SH2B3: variants seen among roughly 807,000 people sequenced by gnomAD.
The protein encoded by SH2B3 is SH2B adapter protein 3.
A neutral mutation model predicts 51.9 loss-of-function variants in SH2B3; 43 were observed. The ratio of observed to expected loss-of-function variants is 0.83; its 90% CI spans 0.65 to 1.07. The LOEUF is 1.07. Ranked by LOEUF, SH2B3 falls within the 50% of genes least tolerant of loss-of-function variation. The pLI is 0.00. For synonymous variants in SH2B3, 396 were observed against 376.0 expected (o/e 1.05, Z -0.62); for missense variants, 952 against 834.3 (o/e 1.14, Z -1.74).
At chr12:111,446,707 A>G (rs776727590) in intron 2 of SH2B3, 46 bp from the exon 3 acceptor site, 2 of 1,094,712 alleles carry the variant, frequency 1.8e-6, no homozygotes, top group Non-Finnish European at 2.6e-6. Context: ...GGCTGGAAGA[A>G]AGAGCATCAG....
At position 111,448,476 on chromosome 12, in the gene SH2B3, T is replaced by TG; in HGVS notation, c.*175dup. ...TATTAGGCCTGTTGAAGGGCCCTCC[T>TG]GTAGGTTTCATCTATCCACCTGGCT... On this transcript the variant is annotated 3_prime_UTR_variant, in exon 8 of 8. Transcript: ENST00000341259. 1 of 603,348 alleles carries TG rather than the reference T, an allele frequency of 1.7e-6. No individual in the cohort carries two copies. Among genetic ancestry groups the TG allele is most frequent in the South Asian group, 2.0e-5 (1 of 49,378 alleles). 37.4% of individuals were successfully genotyped at this position (603,348 alleles called of 1,614,324 possible).
chr12:111,436,788 C>G (rs1037673964), intron 2 of SH2B3, among the ~76,000 whole-genome samples: 4 of 152,062 alleles, frequency 2.6e-5, no homozygotes, highest in Non-Finnish European at 5.9e-5. Flanking sequence ...CCCTGTGATT[C>G]TCTGACATGC....
At chr12:111,445,491 G>A (rs973433133) in intron 2 of SH2B3, among the ~76,000 whole-genome samples, 3 of 152,248 alleles carry the variant, frequency 2.0e-5, no homozygotes, top group African/African-American at 7.2e-5. Flanking sequence ...GGGAGTAGGA[G>A]GTGAAAATGC....
chr12:111,426,849 G>T (rs1872042861), intron 2 of SH2B3, among the ~76,000 whole-genome samples: 1 of 152,104 alleles, frequency 6.6e-6, no homozygotes, highest in South Asian at 2.1e-4. Flanking sequence ...GGATCATGAA[G>T]TGAAGGGGAT....
intron 2 of SH2B3, among the ~76,000 whole-genome samples, chr12:111,424,705 C>T (rs754311624): frequency 2.0e-4 from 31 of 152,234 alleles, no homozygotes; most frequent in South Asian, 4.1e-4. Context: ...ACAGTCCGGG[C>T]GGCTCAGGAG....
At chr12:111,433,509 A>G (rs1872642632) in intron 2 of SH2B3, among the ~76,000 whole-genome samples, 1 of 152,086 alleles carries the variant, frequency 6.6e-6, no homozygotes, top group Non-Finnish European at 1.5e-5. Flanking sequence ...GATTGTAGCC[A>G]TCCCAGCCAT....
At chr12:111,447,074 C>CT in intron 4 of SH2B3, 41 bp downstream of exon 4, 1 of 1,606,706 alleles carries the variant, frequency 6.2e-7, no homozygotes, top group South Asian at 1.1e-5. Context: ...ACCTTTGCTG[C>CT]TACCACCCCT....
rs1161746302 is a variant in SH2B3 at position 111,449,331 on chromosome 12, A to C, written c.*1029A>C. 6.6e-6 allele frequency: 1 copy of C among 152,252 alleles called. No homozygotes were observed. Among genetic ancestry groups the C allele is most frequent in the Non-Finnish European group, 1.5e-5 (1 of 68,052 alleles). The allele number at this position is 152,252 out of a possible 1,614,324, so 9.4% of individuals were successfully genotyped here. A position where few individuals can be genotyped will look rare whatever the true frequency, so the allele number is the denominator to read the frequency against. ...AAGGCTGGCTTGGTGCCCTCCAAGC[A>C]TCTAATGGCTTATTAAATTATCCCA... On this transcript the variant is annotated 3_prime_UTR_variant, in exon 8 of 8. Coordinates refer to ENST00000341259, the MANE Select transcript of SH2B3 (RefSeq NM_005475.3).
Position 111,448,200 on chromosome 12 carries a change from G to A in SH2B3, c.1626G>A (p.Leu542=). The change falls in exon 8 of 8, where the codon CTG becomes CTA. Residue 542 remains leucine (L), a synonymous_variant. Coordinates refer to ENST00000341259, the MANE Select transcript of SH2B3 (RefSeq NM_005475.3). ...AACTGGCCAACAGCCTGCAGCACCT[G>A]GAGCATGAGCCTGTGAATCGAGCCC... The part of the protein sequence containing the change: ...PEELANSLQH[L]EHEPVNRARD... 6.2e-7 allele frequency: 1 copy of A among 1,614,124 alleles called. No homozygotes were observed. The highest frequency in any genetic ancestry group is 8.5e-7 in the Non-Finnish European group (1 of 1,180,010).
chr12:111,429,532 C>A lies in SH2B3; in HGVS notation c.732+10655C>A. ...TATTATTAGTAGAGACGCGGTTTCGCCATGTTGGCCAGGCTGGTCTCGAAC... is the reference window on the plus strand; with the variant it reads ...TATTATTAGTAGAGACGCGGTTTCGACATGTTGGCCAGGCTGGTCTCGAAC... On this transcript the variant is annotated intron_variant, in intron 2 of 7. Coordinates refer to ENST00000341259, the MANE Select transcript of SH2B3 (RefSeq NM_005475.3). The surrounding 1 kb of genome is among the most constrained non-coding windows in gnomAD (Gnocchi z 4.4). Among the ~76,000 whole-genome samples, 1 of 152,160 alleles carries A rather than the reference C, an allele frequency of 6.6e-6. No homozygotes were observed. The highest frequency in any genetic ancestry group is 1.5e-5 in the Non-Finnish European group (1 of 68,038).
chr12:111,413,219 T>C (rs1049612480), intron 1 of SH2B3, among the ~76,000 whole-genome samples: 1 of 152,182 alleles, frequency 6.6e-6, no homozygotes, highest in African/African-American at 2.4e-5. Context: ...AGAGGTAATA[T>C]TTTGTAAAAG....
At position 111,418,876 on chromosome 12, in the gene SH2B3, A is replaced by G; in HGVS notation, c.731A>G (p.Lys244Arg). 7.1e-7 allele frequency: 1 copy of G among 1,404,768 alleles called. No individual in the cohort carries two copies. The highest frequency in any genetic ancestry group is 9.2e-7 in the Non-Finnish European group (1 of 1,092,772). 87.0% of individuals were successfully genotyped at this position (1,404,768 alleles called of 1,614,324 possible). The change falls in exon 2 of 8, where the codon AAG (lysine) becomes AGG (arginine). Residue 244 changes from lysine (K) to arginine (R), a missense_variant and splice_region_variant. Transcript: ENST00000341259. This position sits in a 1 kb window ranked among gnomAD's most constrained non-coding sequence, Gnocchi z 6.7. ...GTGCTGGAGCTCTTCGACCCACCCA[A>G]GGTAAGTAAGCCCTGCCCGCGGGGT... Reference protein sequence around the residue: ...DRVLELFDPPKSSRPKLQAAC... With the variant: ...DRVLELFDPPRSSRPKLQAAC...
In SH2B3 at chr12:111,418,141, C is replaced by T. The variant is rs763047560; in HGVS notation, c.-5C>T. 8 of 1,496,124 alleles carry T rather than the reference C, an allele frequency of 5.3e-6. No individual in the cohort carries two copies. Among genetic ancestry groups the T allele is most frequent in the Non-Finnish European group, 1.8e-6 (2 of 1,136,436 alleles). 92.7% of individuals were successfully genotyped at this position (1,496,124 alleles called of 1,614,324 possible). On this transcript the variant is annotated 5_prime_UTR_variant, in exon 2 of 8. Transcript: ENST00000341259. This position sits in a 1 kb window ranked among gnomAD's most constrained non-coding sequence, Gnocchi z 6.7. Reference sequence around the variant, plus strand: ...CAGCCCGGCCGCACCACCTGGGTCTCCGCCATGAACGGGCCTGCCCTGCAG... The same window carrying T: ...CAGCCCGGCCGCACCACCTGGGTCTTCGCCATGAACGGGCCTGCCCTGCAG...
rs1024186002 is a variant in SH2B3, at chr12:111,407,168, C to A, written c.-28+891C>A. Among the ~76,000 whole-genome samples, 2 of 152,218 alleles carry A rather than the reference C, an allele frequency of 1.3e-5. No homozygotes were observed. Among genetic ancestry groups the A allele is most frequent in the African/African-American group, 4.8e-5 (2 of 41,452 alleles). The stretch of plus-strand genomic sequence containing the variant: ...CTTTAGTTTCCTCATTCTCCTGTTT[C>A]TCTTCCCCATTCCCAGCCACAATGA... On this transcript the variant is annotated intron_variant, in intron 1 of 7. Coordinates refer to ENST00000341259, the MANE Select transcript of SH2B3 (RefSeq NM_005475.3). This position sits in a 1 kb window ranked among gnomAD's most constrained non-coding sequence, Gnocchi z 4.3.
chr12:111,434,050 C>T (rs1872674017), intron 2 of SH2B3, among the ~76,000 whole-genome samples: 1 of 152,210 alleles, frequency 6.6e-6, no homozygotes. Context: ...CATATATCTT[C>T]TTGTCACCAG....
intron 2 of SH2B3, among the ~76,000 whole-genome samples, chr12:111,428,734 A>G (rs3782887): frequency 0.17 from 26,454 of 152,082 alleles, 5,994 homozygotes; most frequent in East Asian, 0.56. Flanking sequence ...AGGCAGAGGC[A>G]CAGGTGGGCA....
chr12:111,428,295 G>A (rs1565976862), intron 2 of SH2B3, among the ~76,000 whole-genome samples: 1 of 152,206 alleles, frequency 6.6e-6, no homozygotes, highest in Admixed American at 6.5e-5. Context: ...TGCCTCAGGG[G>A]GACTTAGCCC....
intron 2 of SH2B3, 75 bp from the exon 3 acceptor site, chr12:111,446,678 T>C: frequency 2.5e-6 from 2 of 794,646 alleles, no homozygotes; most frequent in Non-Finnish European, 2.0e-6. Context: ...CTGGGGAGAC[T>C]ATAGACAAAC....
At chr12:111,405,320 G>A (rs1437885219), upstream of SH2B3, among the ~76,000 whole-genome samples, 1 of 152,232 alleles carries the variant, frequency 6.6e-6, no homozygotes, top group Non-Finnish European at 1.5e-5. This position sits in a 1 kb window ranked among gnomAD's most constrained non-coding sequence, Gnocchi z 5.4. Flanking sequence ...CCAAATCGGG[G>A]GCCTGGGGCC....
Sources: gnomAD v4.1 joint callset for allele counts (sites outside exome capture counted in the v4.1 genomes callset) on GRCh38, gnomAD v4.1.1 for gene constraint, Gnocchi (gnomAD v3.1) non-coding constraint, MANE v1.5 for transcripts, NCBI Gene and HGNC (gene_info 2026-07-23, HGNC 2026-07-21) for gene names.